Variants in SPMAP1 observed in about 807,000 individuals in gnomAD.
The protein encoded by SPMAP1 is uncharacterized protein C17orf98.
At chr17:38,837,260 A>G in the SPMAP1 span, 5 of 1,550,452 alleles carry the variant, frequency 3.2e-6, no homozygotes, top group East Asian at 2.2e-5. Flanking sequence ...GGCAAGAGAA[A>G]GTGGGCAAGA....
the SPMAP1 span, among the ~76,000 whole-genome samples, chr17:38,836,683 CG>C: frequency 6.8e-6 from 1 of 147,206 alleles, no homozygotes; most frequent in East Asian, 2.0e-4. Flanking sequence ...CTCCGCCTCC[CG>C]GGTTCAAGCA....
the SPMAP1 span, among the ~76,000 whole-genome samples, chr17:38,837,900 G>T: frequency 6.6e-6 from 1 of 151,934 alleles, no homozygotes; most frequent in African/African-American, 2.4e-5. Flanking sequence ...TGTGAGGTTT[G>T]TTTTTTGAGA....
At chr17:38,835,751 T>C in the SPMAP1 span, among the ~76,000 whole-genome samples, 1 of 152,152 alleles carries the variant, frequency 6.6e-6, no homozygotes, top group African/African-American at 2.4e-5. Context: ...ATCATGTGAC[T>C]AGAGGAGTGG....
the SPMAP1 span, chr17:38,837,275 T>C: frequency 1.4e-6 from 2 of 1,434,238 alleles, no homozygotes; most frequent in East Asian, 4.5e-5. Flanking sequence ...GCAAGAACAC[T>C]GTCAGCCACA....
the SPMAP1 span, chr17:38,835,111 C>T: frequency 1.6e-5 from 24 of 1,481,344 alleles, no homozygotes; most frequent in South Asian, 6.0e-5. Context: ...ATTTTTTTAA[C>T]GTAAAATAAC....
the SPMAP1 span, chr17:38,841,250 T>A: frequency 6.2e-7 from 1 of 1,614,168 alleles, no homozygotes; most frequent in Non-Finnish European, 8.5e-7. Context: ...GTGGTAGTCC[T>A]GCTGCGCGTT....
At chr17:38,835,190 T>TA in the SPMAP1 span, 4 of 1,614,140 alleles carry the variant, frequency 2.5e-6, no homozygotes, top group Non-Finnish European at 3.4e-6. Context: ...AAGATGCTGT[T>TA]AGAACAGAGG....
the SPMAP1 span, chr17:38,837,257 G>A: frequency 6.4e-7 from 1 of 1,569,264 alleles, no homozygotes; most frequent in Non-Finnish European, 8.8e-7. Flanking sequence ...GTGGGCAAGA[G>A]AAAGTGGGCA....
At chr17:38,841,301 C>G in the SPMAP1 span, 11 of 1,614,072 alleles carry the variant, frequency 6.8e-6, no homozygotes, top group African/African-American at 1.5e-4. Flanking sequence ...CCTAGAGCGC[C>G]CATAAGCGCG....
the SPMAP1 span, among the ~76,000 whole-genome samples, chr17:38,838,301 A>G: frequency 6.6e-6 from 1 of 152,170 alleles, no homozygotes; most frequent in Non-Finnish European, 1.5e-5. Context: ...TTGATAATTA[A>G]ATAATACTTT....
chr17:38,837,720 C>A, the SPMAP1 span, among the ~76,000 whole-genome samples: 1 of 151,738 alleles, frequency 6.6e-6, no homozygotes. Flanking sequence ...AAAGAAGAAC[C>A]TATTGCCTCT....
At chr17:38,839,934 T>C in the SPMAP1 span, among the ~76,000 whole-genome samples, 2 of 151,942 alleles carry the variant, frequency 1.3e-5, no homozygotes, top group Non-Finnish European at 2.9e-5. Flanking sequence ...GAAGATTTGC[T>C]CACAGAATAA....
At chr17:38,836,940 C>T in the SPMAP1 span, among the ~76,000 whole-genome samples, 1 of 150,578 alleles carries the variant, frequency 6.6e-6, no homozygotes, top group Non-Finnish European at 1.5e-5. Context: ...TAGAGTGAGA[C>T]CACGTCTCAA....
At chr17:38,837,356 G>A in the SPMAP1 span, 1 of 752,794 alleles carries the variant, frequency 1.3e-6, no homozygotes, top group African/African-American at 1.7e-5. Flanking sequence ...CAGAGCCTTA[G>A]GTAACTGGTG....
At chr17:38,839,947 C>T in the SPMAP1 span, among the ~76,000 whole-genome samples, 1 of 152,064 alleles carries the variant, frequency 6.6e-6, no homozygotes, top group Non-Finnish European at 1.5e-5. Context: ...CAGAATAACC[C>T]CATGAGTCTT....
At chr17:38,838,754 A>G in the SPMAP1 span, among the ~76,000 whole-genome samples, 1 of 151,994 alleles carries the variant, frequency 6.6e-6, no homozygotes. Flanking sequence ...AGCCTGTGTG[A>G]CAGAGTTGCA....
chr17:38,841,266 G>A, the SPMAP1 span: 1 of 1,614,184 alleles, frequency 6.2e-7, no homozygotes, highest in South Asian at 1.1e-5. Context: ...GCGTTGTAGG[G>A]CGGAATCGCC....
the SPMAP1 span, among the ~76,000 whole-genome samples, chr17:38,838,084 T>C: frequency 6.6e-6 from 1 of 151,902 alleles, no homozygotes; most frequent in East Asian, 1.9e-4. Context: ...AGGGTTCACA[T>C]ATTGGCCAGG....
chr17:38,841,348 G>A, the SPMAP1 span: 1 of 1,614,162 alleles, frequency 6.2e-7, no homozygotes, highest in Non-Finnish European at 8.5e-7. Flanking sequence ...CCAAGATAAA[G>A]CCTTTCTCCA....
Sources: allele counts gnomAD v4.1 joint callset (sites outside exome capture counted in the v4.1 genomes callset), GRCh38; gene constraint gnomAD v4.1.1; transcripts MANE v1.5; gene names NCBI Gene and HGNC (gene_info 2026-07-23, HGNC 2026-07-21).